Variants in KLF16 observed in about 807,000 individuals in gnomAD.
KLF16 encodes KLF transcription factor 16, also known as Krueppel-like factor 16.
Under a neutral mutation model 6.1 loss-of-function variants are expected in KLF16, and 6 were observed. The ratio of observed to expected loss-of-function variants is 0.98; its 90% CI spans 0.54 to 1.93. KLF16 has a LOEUF of 1.93. Among genes scored for constraint, KLF16 ranks in the 30% most tolerant of loss-of-function variants. The pLI is 0.01. For missense variants in KLF16, 355 were observed against 363.8 expected, an observed-to-expected ratio of 0.98 and a Z score of 0.20; for synonymous variants, 211 against 176.5, an observed-to-expected ratio of 1.20 and a Z score of -1.55.
intron 1 of KLF16, among the ~76,000 whole-genome samples, chr19:1,862,252 G>A (rs961931378): frequency 6.6e-6 from 1 of 152,212 alleles, no homozygotes; most frequent in South Asian, 2.1e-4. Flanking sequence ...AGGCCCACCA[G>A]GCTCCCGGTT....
intron 1 of KLF16, chr19:1,860,350 G>C (rs373244382): frequency 6.6e-6 from 1 of 152,422 alleles, no homozygotes. Context: ...CAGGGGACGG[G>C]AGGTGCAGTC....
rs573042384 is a variant in KLF16, at chr19:1,860,831, C to T, written c.457+2210G>A. Among the ~76,000 whole-genome samples, 3 of 152,304 alleles carry T rather than the reference C, an allele frequency of 2.0e-5. No homozygotes were observed. The East Asian group carries it at 5.8e-4, about 29-fold the overall frequency. On this transcript the variant is annotated intron_variant, in intron 1 of 1. Transcript: ENST00000250916. The stretch of plus-strand genomic sequence containing the variant: ...GGGCTGGGGAGGCCCGGAAGAGGAG[C>T]CTGGAAAGCCACAAGTATCCAAAAC...
upstream of KLF16, among the ~76,000 whole-genome samples, chr19:1,866,171 G>C (rs2012185485): frequency 6.6e-6 from 1 of 152,024 alleles, no homozygotes; most frequent in Non-Finnish European, 1.5e-5. Flanking sequence ...AGCCGGGCCA[G>C]GTGGTGGGCA....
At chr19:1,854,890 G>T in intron 1 of KLF16, 130 bp from the exon 2 acceptor site, 1 of 959,212 alleles carries the variant, frequency 1.0e-6, no homozygotes, top group Non-Finnish European at 1.5e-6. Flanking sequence ...TCTGGTGTGA[G>T]TTCAAAACAT....
At chr19:1,856,068 C>T (rs1276048196) in intron 1 of KLF16, among the ~76,000 whole-genome samples, 2 of 152,238 alleles carry the variant, frequency 1.3e-5, no homozygotes, top group African/African-American at 2.4e-5. Flanking sequence ...GGGCAGCCCA[C>T]GCCCAGCACT....
chr19:1,863,520 G>T lies in KLF16; in HGVS notation c.-23C>A, dbSNP rs1362827182. 2 of 983,000 alleles carry T rather than the reference G, an allele frequency of 2.0e-6. No individual in the cohort carries two copies. Among genetic ancestry groups the T allele is most frequent in the East Asian group, 1.1e-4 (1 of 9,056 alleles). 60.9% of individuals were successfully genotyped at this position (983,000 alleles called of 1,614,324 possible). On this transcript the variant is annotated 5_prime_UTR_variant, in exon 1 of 2. Coordinates refer to ENST00000250916, the MANE Select transcript of KLF16 (RefSeq NM_031918.4). ...CATGCCGAGCAAGGGCGCGCGGCGC[G>T]GCGGGCGGAGCGGAGGCGGCGGGAG...
At chr19:1,867,883 G>A (rs1017039993), upstream of KLF16, among the ~76,000 whole-genome samples, 1 of 151,024 alleles carries the variant, frequency 6.6e-6, no homozygotes, top group Non-Finnish European at 1.5e-5. Flanking sequence ...AAAAACAATA[G>A]TAAATAACAA....
rs1001801867 is a variant in KLF16, at chr19:1,857,875, G to C, written c.458-3115C>G. Among the ~76,000 whole-genome samples, 1 of 152,000 alleles carries C rather than the reference G, an allele frequency of 6.6e-6. No homozygotes were observed. Among genetic ancestry groups the C allele is most frequent in the Non-Finnish European group, 1.5e-5 (1 of 67,964 alleles). On this transcript the variant is annotated intron_variant, in intron 1 of 1. Transcript: ENST00000250916. This position sits in a 1 kb window ranked among gnomAD's most constrained non-coding sequence, Gnocchi z 4.7. ...GCTCCTGAAGGTGATCCTTGAGCAG[G>C]TTCTATAGAACCTATAGGCAGCTGC... is the stretch of plus-strand genomic sequence containing the variant.
upstream of KLF16, among the ~76,000 whole-genome samples, chr19:1,864,095 T>G (rs551720873): frequency 3.1e-5 from 4 of 127,044 alleles, no homozygotes; most frequent in Non-Finnish European, 5.1e-5. Flanking sequence ...GCGCCCCGCC[T>G]CCTCGCTGGC....
rs2011867079 is a variant in KLF16 at position 1,853,020 on chromosome 19, G to T, written c.*1439C>A. The T allele has an allele frequency of 6.6e-6, 1 of 152,176 alleles. No homozygotes were observed. The highest frequency in any genetic ancestry group is 1.5e-5 in the Non-Finnish European group (1 of 68,102). 9.4% of individuals were successfully genotyped at this position (152,176 alleles called of 1,614,324 possible). A position where few individuals can be genotyped will look rare whatever the true frequency, so the allele number is the denominator to read the frequency against. On this transcript the variant is annotated 3_prime_UTR_variant, in exon 2 of 2. Transcript: ENST00000250916. ...AAAACCTCCTGCAGCCAACAGTGGG[G>T]GGATCCACCTTTCTGGGTCTGACAT...
chr19:1,863,012 G>C, intron 1 of KLF16, 29 bp downstream of exon 1: 1 of 1,259,650 alleles, frequency 7.9e-7, no homozygotes, highest in Non-Finnish European at 1.0e-6. Flanking sequence ...GGCCGCCCCC[G>C]CAAGGGCCGG....
upstream of KLF16, among the ~76,000 whole-genome samples, chr19:1,867,905 A>C (rs1388427526): frequency 6.8e-6 from 1 of 146,868 alleles, no homozygotes; most frequent in Non-Finnish European, 1.5e-5. Flanking sequence ...GATGCAGCAG[A>C]AGAGGGGGTA....
chr19:1,860,787 G>A (rs2145368238), intron 1 of KLF16, among the ~76,000 whole-genome samples: 1 of 152,300 alleles, frequency 6.6e-6, no homozygotes, highest in East Asian at 1.9e-4. Context: ...CGTTTACACA[G>A]ACCCCTTGGT....
upstream of KLF16, among the ~76,000 whole-genome samples, chr19:1,867,748 T>G (rs1223056063): frequency 6.6e-6 from 1 of 152,114 alleles, no homozygotes; most frequent in East Asian, 1.9e-4. Flanking sequence ...CCGCCTGTAA[T>G]CCCAGCTACT....
upstream of KLF16, among the ~76,000 whole-genome samples, chr19:1,867,031 A>G (rs2012198910): frequency 6.6e-6 from 1 of 152,216 alleles, no homozygotes. Context: ...GGACCTCCCA[A>G]GCCTGAGGGC....
At chr19:1,864,385 C>G (rs891272794), upstream of KLF16, among the ~76,000 whole-genome samples, 4 of 152,204 alleles carry the variant, frequency 2.6e-5, no homozygotes, top group African/African-American at 9.6e-5. Flanking sequence ...CAGAGCCCCT[C>G]GGAGCCTCCC....
Position 1,854,485 on chromosome 19 carries a change from G to A in KLF16, c.733C>T (p.Pro245Ser). ...LAGSPAPSPA[P>S]SPAPAGL ...TACAGGCCTGCGGGGGCTGGGCTGG[G>A]CGCGGGGCTGGGCGCAGGGCTCCCG... The change falls in exon 2 of 2, where the codon CCC becomes TCC. Residue 245 changes from proline to serine, a missense_variant. Transcript: ENST00000250916. 1.4e-6 allele frequency: 2 copies of A among 1,433,702 alleles called. No individual in the cohort carries two copies. The highest frequency in any genetic ancestry group is 1.8e-6 in the Non-Finnish European group (2 of 1,106,394). 88.8% of individuals were successfully genotyped at this position (1,433,702 alleles called of 1,614,324 possible).
upstream of KLF16, among the ~76,000 whole-genome samples, chr19:1,863,900 T>A (rs1297563168): frequency 1.4e-5 from 2 of 143,916 alleles, no homozygotes; most frequent in Non-Finnish European, 3.1e-5. Context: ...CGCGCTAGGG[T>A]GCAAGGCCGG....
upstream of KLF16, among the ~76,000 whole-genome samples, chr19:1,866,775 CA>C (rs10672007): frequency 5.9e-4 from 51 of 86,816 alleles, no homozygotes; most frequent in Admixed American, 1.4e-3. Flanking sequence ...GACCCTGTCT[CA>C]AAAAAAAAAA....
Sources: allele counts gnomAD v4.1 joint callset (sites outside exome capture counted in the v4.1 genomes callset), GRCh38; gene constraint gnomAD v4.1.1; non-coding constraint Gnocchi (gnomAD v3.1); transcripts MANE v1.5; gene names NCBI Gene and HGNC (gene_info 2026-07-23, HGNC 2026-07-21).